SGCD: variants seen among roughly 807,000 people sequenced by gnomAD.
SGCD encodes the protein delta-sarcoglycan.
A neutral mutation model predicts 36.6 loss-of-function variants in SGCD; 18 were observed. That is an observed-to-expected ratio of 0.49 (90% confidence interval 0.34 to 0.73). The LOEUF (loss-of-function observed/expected upper bound fraction) is 0.73. SGCD is among the 30% of genes least tolerant of loss of function. The pLI is 0.01. For synonymous variants in SGCD, 133 were observed against 130.6 expected, an observed-to-expected ratio of 1.02 and a Z score of -0.12; for missense variants, 387 against 346.7, an observed-to-expected ratio of 1.12 and a Z score of -0.92.
chr5:156,139,849 T>C (rs1321586552), intron 3 of SGCD, among the ~76,000 whole-genome samples: 1 of 152,192 alleles, frequency 6.6e-6, no homozygotes, highest in Non-Finnish European at 1.5e-5. Flanking sequence ...TGTTAAAGGG[T>C]AATGGCCTTT....
At chr5:156,629,278 A>G (rs1411604176) in intron 6 of SGCD, among the ~76,000 whole-genome samples, 1 of 152,236 alleles carries the variant, frequency 6.6e-6, no homozygotes, top group Non-Finnish European at 1.5e-5. Context: ...CAACACGCAC[A>G]GACTTGAGCA....
chr5:156,094,245 G>A (rs936021433), intron 1 of SGCD, among the ~76,000 whole-genome samples: 1 of 152,198 alleles, frequency 6.6e-6, no homozygotes, highest in African/African-American at 2.4e-5. Flanking sequence ...ATCTGTAAGG[G>A]GGAGGGTGGC....
intron 3 of SGCD, among the ~76,000 whole-genome samples, chr5:156,372,351 A>G (rs989756210): frequency 1.3e-5 from 2 of 152,182 alleles, no homozygotes; most frequent in African/African-American, 2.4e-5. Context: ...CAGATATGTG[A>G]TGCAATAAGA....
rs114938270 is a variant in SGCD, at chr5:156,605,510, C to A, written c.502+10459C>A. On this transcript the variant is annotated intron_variant, in intron 6 of 8. Transcript: ENST00000337851. ...TGTGAATAGTGCTGCAATAAAAATACGTCTGCATGTGTCTTTATAGCAGCA... is the reference window on the plus strand; with the variant it reads ...TGTGAATAGTGCTGCAATAAAAATAAGTCTGCATGTGTCTTTATAGCAGCA... Among the ~76,000 whole-genome samples the A allele has an allele frequency of 4.5e-3, 685 of 152,256 alleles. 5 individuals are homozygous for A. Among genetic ancestry groups the A allele is most frequent in the Non-Finnish European group, 5.8e-3 (395 of 68,024 alleles).
At chr5:156,552,969 T>G (rs1758856297) in intron 4 of SGCD, among the ~76,000 whole-genome samples, 1 of 152,174 alleles carries the variant, frequency 6.6e-6, no homozygotes, top group Admixed American at 6.5e-5. Context: ...AAAAAAGGCT[T>G]CCTTGGCTCA....
chr5:156,409,625 G>C (rs1166363970), intron 3 of SGCD, among the ~76,000 whole-genome samples: 2 of 152,090 alleles, frequency 1.3e-5, no homozygotes, highest in African/African-American at 2.4e-5. Context: ...CAGAATAATT[G>C]TGTGGCCTTT....
intron 1 of SGCD, among the ~76,000 whole-genome samples, chr5:155,990,904 C>T (rs1185212809): frequency 6.6e-6 from 1 of 152,118 alleles, no homozygotes; most frequent in Non-Finnish European, 1.5e-5. Context: ...GTTTAATCAC[C>T]ATCATACTAA....
intron 7 of SGCD, 25 bp from the exon 8 acceptor site, chr5:156,757,556 A>G: frequency 7.0e-7 from 1 of 1,434,842 alleles, no homozygotes; most frequent in Non-Finnish European, 9.7e-7. Flanking sequence ...AGGGATCTTT[A>G]TTGACGATCT....
rs139352162 is a variant in SGCD, at chr5:156,249,953, C to T, written c.-43-79581C>T. Among the ~76,000 whole-genome samples the T allele has an allele frequency of 3.9e-5, 6 of 152,272 alleles. No homozygotes were observed. The East Asian group carries it at 1.2e-3, about 29-fold the overall frequency. On this transcript the variant is annotated intron_variant, in intron 3 of 9. Transcript: ENST00000517913. ...ACTGTCTAATCAGTAAGAAACATTC[C>T]TGGGCCATGTGCCCATACAGGATTT...
intron 4 of SGCD, among the ~76,000 whole-genome samples, chr5:156,522,700 A>G (rs1203536449): frequency 6.6e-6 from 1 of 151,708 alleles, no homozygotes; most frequent in Non-Finnish European, 1.5e-5. Context: ...TACCTACTTA[A>G]CAAACCTGTA....
chr5:155,804,876 T>G, the SGCD span, among the ~76,000 whole-genome samples: 2 of 152,280 alleles, frequency 1.3e-5, no homozygotes, highest in South Asian at 2.1e-4. Flanking sequence ...ACCAGACATG[T>G]GTAGGTTGAA....
intron 3 of SGCD, among the ~76,000 whole-genome samples, chr5:156,262,925 A>G (rs1012276943): frequency 4.0e-4 from 59 of 148,634 alleles, no homozygotes; most frequent in African/African-American, 1.3e-3. Flanking sequence ...GTGTGTGTGT[A>G]TACATATATA....
At chr5:155,755,875 G>C in the SGCD span, among the ~76,000 whole-genome samples, 1 of 152,146 alleles carries the variant, frequency 6.6e-6, no homozygotes, top group Non-Finnish European at 1.5e-5. Flanking sequence ...ATTGATTGTG[G>C]TTAAATAGAT....
intron 3 of SGCD, among the ~76,000 whole-genome samples, chr5:156,170,025 A>T (rs1156401689): frequency 1.3e-5 from 2 of 152,176 alleles, no homozygotes; most frequent in African/African-American, 4.8e-5. Context: ...GGATAAAAAT[A>T]TTGGCTAGTA....
At chr5:156,329,403 T>C (rs552561630) in intron 1 of SGCD, 131 bp from the exon 2 acceptor site, 93 of 675,532 alleles carry the variant, frequency 1.4e-4, no homozygotes, top group Admixed American at 1.4e-3. Flanking sequence ...ATGGTCAGCC[T>C]GCCCTGCCTT....
intron 3 of SGCD, among the ~76,000 whole-genome samples, chr5:156,485,886 A>G (rs1755634776): frequency 6.6e-6 from 1 of 152,106 alleles, no homozygotes; most frequent in Admixed American, 6.5e-5. Context: ...TCCCCAGTGC[A>G]GAGAAAAGGT....
chr5:155,990,984 T>C (rs1159987300), intron 1 of SGCD, among the ~76,000 whole-genome samples: 1 of 152,108 alleles, frequency 6.6e-6, no homozygotes, highest in African/African-American at 2.4e-5. Flanking sequence ...ACCTGGAAGG[T>C]TGTAAAACCT....
rs1445947216 is a variant in SGCD, at chr5:156,764,887, A to G, written c.*5497A>G. 6.6e-6 allele frequency: 1 copy of G among 152,224 alleles called. No individual in the cohort carries two copies. Among genetic ancestry groups the G allele is most frequent in the Non-Finnish European group, 1.5e-5 (1 of 68,050 alleles). The allele number at this position is 152,224 out of a possible 1,614,324, so 9.4% of individuals were successfully genotyped here. ...CAGTAATATCATCACCCATTTTGAG[A>G]TATGCAGGTGGAATAGAACAAAGAA... On this transcript the variant is annotated 3_prime_UTR_variant, in exon 9 of 9. Transcript: ENST00000337851.
chr5:156,411,015 C>T (rs1772719676), intron 3 of SGCD, among the ~76,000 whole-genome samples: 1 of 152,262 alleles, frequency 6.6e-6, no homozygotes, highest in South Asian at 2.1e-4. Flanking sequence ...TGTATAAATG[C>T]ACGACTTTAG....
Sources: allele counts gnomAD v4.1 joint callset (sites outside exome capture counted in the v4.1 genomes callset), GRCh38; gene constraint gnomAD v4.1.1; transcripts MANE v1.5; gene names NCBI Gene and HGNC (gene_info 2026-07-23, HGNC 2026-07-21).